The following ABCG1 variants were observed in gnomAD, a reference collection of about 807,000 sequenced individuals.
ABCG1 encodes the protein ATP binding cassette subfamily G member 1, also known as ATP-binding cassette sub-family G member 1.
Under a neutral mutation model 69.2 loss-of-function variants are expected in ABCG1, and 29 were observed. The ratio of observed to expected loss-of-function variants is 0.42; its 90% CI spans 0.31 to 0.57. ABCG1 has a LOEUF of 0.57. ABCG1 is among the 20% of genes least tolerant of loss of function. The pLI is 0.15. For synonymous variants in ABCG1, 370 were observed against 374.8 expected (o/e 0.99, Z 0.15); for missense variants, 718 against 898.1 (o/e 0.80, Z 2.56).
chr21:42,206,380 AAAT>A (rs1464497891), intron 2 of ABCG1, among the ~76,000 whole-genome samples: 3 of 142,832 alleles, frequency 2.1e-5, no homozygotes, highest in African/African-American at 8.7e-5. Context: ...ATAAATAAAT[AAAT>A]AAACAAACAA....
chr21:42,290,098 A>G lies in ABCG1; in HGVS notation c.1273A>G (p.Ile425Val). The G allele has an allele frequency of 6.2e-7, 1 of 1,614,124 alleles. No individual in the cohort carries two copies. The highest frequency in any genetic ancestry group is 8.5e-7 in the Non-Finnish European group (1 of 1,180,012). The change falls in exon 11 of 15, where the codon ATT (isoleucine) becomes GTT (valine). Residue 425 changes from isoleucine to valine, a missense_variant. By Grantham distance (29) the Ile-to-Val change is conservative. Transcript: ENST00000398449. ...ITSHIGIGLL[I>V]GLLYLGIGNE... ...CTCGCACATTGGGATCGGCCTCCTCATTGGCCTGCTGTACTTGGGGATCGG... is the reference window on the plus strand; with the variant it reads ...CTCGCACATTGGGATCGGCCTCCTCGTTGGCCTGCTGTACTTGGGGATCGG...
At chr21:42,293,374 T>C (rs1357610445) in intron 13 of ABCG1, among the ~76,000 whole-genome samples, 1 of 104,766 alleles carries the variant, frequency 9.5e-6, no homozygotes, top group African/African-American at 3.8e-5. Flanking sequence ...CACACCACAC[T>C]ACACACTACA....
intron 2 of ABCG1, among the ~76,000 whole-genome samples, chr21:42,263,860 G>A (rs774329300): frequency 1.3e-5 from 2 of 152,224 alleles, no homozygotes; most frequent in African/African-American, 4.8e-5. Context: ...GGGAAGAGAC[G>A]ACAAGGCCAC....
At chr21:42,259,581 C>A (rs1044632020) in intron 2 of ABCG1, 42 of 1,475,460 alleles carry the variant, frequency 2.8e-5, no homozygotes, top group Non-Finnish European at 3.2e-5. Context: ...AGTGGCATTG[C>A]CTCTGCGGAG....
intron 2 of ABCG1, among the ~76,000 whole-genome samples, chr21:42,249,841 C>G (rs1212166163): frequency 1.3e-5 from 2 of 151,806 alleles, no homozygotes; most frequent in Non-Finnish European, 2.9e-5. Flanking sequence ...CCCATCTCTA[C>G]TAAAAATACA....
At chr21:42,218,059 C>G (rs961144763), upstream of ABCG1, among the ~76,000 whole-genome samples, 1 of 152,078 alleles carries the variant, frequency 6.6e-6, no homozygotes, top group Non-Finnish European at 1.5e-5. Context: ...TCGATTTGAG[C>G]GGCTGAATTT....
At chr21:42,217,741 G>T (rs2067657822), upstream of ABCG1, among the ~76,000 whole-genome samples, 1 of 134,994 alleles carries the variant, frequency 7.4e-6, no homozygotes, top group Admixed American at 8.1e-5. Flanking sequence ...ACCCCGGCTG[G>T]AGTGCAGTGG....
At chr21:42,214,932 T>G (rs1167950366), upstream of ABCG1, among the ~76,000 whole-genome samples, 1 of 152,232 alleles carries the variant, frequency 6.6e-6, no homozygotes, top group Non-Finnish European at 1.5e-5. Flanking sequence ...GACAGCTTTC[T>G]TTGTTTTTTT....
chr21:42,249,360 C>A (rs1331573812), intron 2 of ABCG1, among the ~76,000 whole-genome samples: 1 of 152,104 alleles, frequency 6.6e-6, no homozygotes, highest in East Asian at 1.9e-4. Context: ...AAGTAAGTGT[C>A]ATATTGTGTG....
At chr21:42,269,824 G>A (rs2068583183) in intron 2 of ABCG1, among the ~76,000 whole-genome samples, 1 of 152,194 alleles carries the variant, frequency 6.6e-6, no homozygotes, top group Admixed American at 6.5e-5. Context: ...CCCAGCTGGG[G>A]ACCGGGAGAA....
At chr21:42,249,504 A>G (rs1378265537) in intron 2 of ABCG1, among the ~76,000 whole-genome samples, 2 of 152,176 alleles carry the variant, frequency 1.3e-5, no homozygotes, top group African/African-American at 2.4e-5. Context: ...GTGTATTGAA[A>G]TATGGACCTT....
At chr21:42,233,912 G>C (rs761107263) in intron 2 of ABCG1, among the ~76,000 whole-genome samples, 101 of 152,220 alleles carry the variant, frequency 6.6e-4, no homozygotes, top group Non-Finnish European at 1.3e-3. Flanking sequence ...AACCAAAAAA[G>C]TCCCCCTCTC....
chr21:42,225,042 T>C (rs1480810109), intron 1 of ABCG1, among the ~76,000 whole-genome samples: 1 of 152,168 alleles, frequency 6.6e-6, no homozygotes, highest in African/African-American at 2.4e-5. Context: ...ATATCTCAGT[T>C]TCCTTGTTTG....
intron 2 of ABCG1, among the ~76,000 whole-genome samples, chr21:42,229,580 C>T (rs56065029): frequency 1.8e-3 from 281 of 152,116 alleles, no homozygotes; most frequent in Middle Eastern, 0.014. Context: ...AATAGCCAAG[C>T]GTGGTGGCGA....
chr21:42,291,058 A>G lies in ABCG1; in HGVS notation c.1394-34A>G, dbSNP rs200616717. The G allele has an allele frequency of 1.9e-6, 3 of 1,545,960 alleles. No homozygotes were observed. The highest frequency in any genetic ancestry group is 2.2e-5 in the East Asian group (1 of 44,540). On this transcript the variant is annotated intron_variant, in intron 11 of 14. Transcript: ENST00000398449. This position sits in a 1 kb window ranked among gnomAD's most constrained non-coding sequence, Gnocchi z 6.4. ...TTAAACGGGCTCGCTGCACATGGTC[A>G]CTGACCCTTCTTTTTTGCTTTTCTA...
At chr21:42,260,059 T>C (rs2123685457) in intron 2 of ABCG1, 2 of 1,550,546 alleles carry the variant, frequency 1.3e-6, no homozygotes, top group East Asian at 4.9e-5. Context: ...GTGGTCGCTA[T>C]CAGTGGCAAA....
chr21:42,205,769 G>C (rs961067057), intron 2 of ABCG1, among the ~76,000 whole-genome samples: 2 of 152,032 alleles, frequency 1.3e-5, no homozygotes, highest in African/African-American at 4.8e-5. Flanking sequence ...TGAGGTAAGA[G>C]TTTCAATTAT....
chr21:42,273,704 C>A lies in ABCG1; in HGVS notation c.537+269C>A, dbSNP rs1325727326. 6.6e-6 allele frequency among the ~76,000 whole-genome samples: 1 copy of A among 152,188 alleles called. No individual in the cohort carries two copies. Among genetic ancestry groups the A allele is most frequent in the Non-Finnish European group, 1.5e-5 (1 of 68,034 alleles). ...GTCAAGTTTCTGAGAAGGTTATTAA[C>A]CCGGCTGGCTTGGGTGATCCTCTCC... On this transcript the variant is annotated intron_variant, in intron 4 of 14. Transcript: ENST00000398449. The surrounding 1 kb of genome is among the most constrained non-coding windows in gnomAD (Gnocchi z 5.3).
chr21:42,290,893 C>T (rs115651503), intron 11 of ABCG1, among the ~76,000 whole-genome samples, 199 bp from the exon 12 acceptor site: 1 of 152,306 alleles, frequency 6.6e-6, no homozygotes, highest in African/African-American at 2.4e-5. Flanking sequence ...CCTGATTCTC[C>T]ACTCAATGAC....
Sources: allele counts gnomAD v4.1 joint callset (sites outside exome capture counted in the v4.1 genomes callset), GRCh38; gene constraint gnomAD v4.1.1; non-coding constraint Gnocchi (gnomAD v3.1); transcripts MANE v1.5; gene names NCBI Gene and HGNC (gene_info 2026-07-23, HGNC 2026-07-21).